The following CD1B variants were observed in gnomAD, a reference collection of about 807,000 sequenced individuals.
The protein encoded by CD1B is CD1b molecule.
CD1B carries 43 observed loss-of-function variants against 39.8 expected under a neutral mutation model. That is an observed-to-expected ratio of 1.08 (90% CI 0.85 to 1.39). The LOEUF is 1.39. Among genes scored for constraint, CD1B ranks in the 40% most tolerant of loss-of-function variants. The pLI, the probability that CD1B is intolerant of heterozygous loss-of-function variation, is 0.00. For missense variants in CD1B, 495 were observed against 403.8 expected (o/e 1.23, Z -1.94); for synonymous variants, 192 against 152.5 (o/e 1.26, Z -1.91).
At chr1:158,292,470 G>A in the CD1B span, 9 of 1,482,754 alleles carry the variant, frequency 6.1e-6, no homozygotes, top group Non-Finnish European at 8.2e-6. Flanking sequence ...GAAGCAGGGG[G>A]GTTGCTGGGT....
chr1:158,317,222 G>A, the CD1B span, among the ~76,000 whole-genome samples: 4 of 151,758 alleles, frequency 2.6e-5, no homozygotes, highest in African/African-American at 9.7e-5. Context: ...GATTGGAATA[G>A]TTTCAGAAGG....
At chr1:158,308,574 C>A in the CD1B span, among the ~76,000 whole-genome samples, 1 of 152,178 alleles carries the variant, frequency 6.6e-6, no homozygotes, top group East Asian at 1.9e-4. Flanking sequence ...TACCTGACTT[C>A]AAACTATACT....
chr1:158,312,119 T>A, the CD1B span, among the ~76,000 whole-genome samples: 1 of 152,176 alleles, frequency 6.6e-6, no homozygotes, highest in Non-Finnish European at 1.5e-5. Flanking sequence ...ATTATTTCAA[T>A]CTGTGAACAT....
Position 158,328,994 on chromosome 1 carries a change from A to C in CD1B, c.907T>G (p.Ser303Ala). Residue 303 changes from serine (S) to alanine (A), a missense_variant, in exon 5 of 6, where the codon TCA becomes GCA. Ser to Ala is a moderately conservative substitution (Grantham distance 99). Transcript: ENST00000368168. The stretch of plus-strand genomic sequence containing the variant: ...GGCACTATTATTGCCAAAACAATTG[A>C]GCCAATGGAGGTGGGGTTTCCTGGC... The part of the protein sequence containing the change: ...LYWRNPTSIG[S>A]IVLAIIVPSL... The C allele has an allele frequency of 6.2e-7, 1 of 1,613,910 alleles. No homozygotes were observed. The highest frequency in any genetic ancestry group is 8.5e-7 in the Non-Finnish European group (1 of 1,179,892).
Position 158,329,592 on chromosome 1 carries a change from G to T in CD1B, c.664C>A (p.Leu222Ile). ...TAGAATCCTGAGACATGGCACACAA[G>T]CTGCAGACGGCCAGGTCCAGGACTG... ...GPSPGPGRLQ[L>I]VCHVSGFYPK... Residue 222 changes from leucine to isoleucine, a missense_variant, in exon 4 of 6, where the codon CTT becomes ATT. By Grantham distance (5) the Leu-to-Ile change is conservative. Coordinates refer to ENST00000368168, the MANE Select transcript of CD1B (RefSeq NM_001764.3). 1 of 1,614,072 alleles carries T rather than the reference G, an allele frequency of 6.2e-7. No homozygotes were observed. The highest frequency in any genetic ancestry group is 2.2e-5 in the East Asian group (1 of 44,830).
chr1:158,314,829 C>G, the CD1B span, among the ~76,000 whole-genome samples: 2 of 140,236 alleles, frequency 1.4e-5, no homozygotes, highest in African/African-American at 5.3e-5. Context: ...ACAACAGTCC[C>G]CAGAGTGTGA....
the CD1B span, among the ~76,000 whole-genome samples, chr1:158,301,875 A>T: frequency 6.6e-6 from 1 of 152,190 alleles, no homozygotes; most frequent in African/African-American, 2.4e-5. Flanking sequence ...CATCATGAGC[A>T]GTGTTTTCCA....
At chr1:158,305,684 A>T in the CD1B span, among the ~76,000 whole-genome samples, 1 of 152,226 alleles carries the variant, frequency 6.6e-6, no homozygotes. Flanking sequence ...CCAGAGAGAA[A>T]GGTGGGGTTA....
the CD1B span, among the ~76,000 whole-genome samples, chr1:158,299,560 G>C: frequency 6.6e-6 from 1 of 152,184 alleles, no homozygotes; most frequent in Non-Finnish European, 1.5e-5. Flanking sequence ...CAGAAGGAAT[G>C]GTACCAGCTC....
chr1:158,329,685 A>G lies in CD1B; in HGVS notation c.608-37T>C, dbSNP rs751477352. On this transcript the variant is annotated intron_variant, in intron 3 of 5. Transcript: ENST00000368168. ...AGGAGAAAAAAAAGTGTCATGTTAT[A>G]ACTCGAGTTCAGAGGTTATGAACTC... 1.9e-6 allele frequency: 3 copies of G among 1,604,452 alleles called. No homozygotes were observed. In the South Asian group the frequency reaches 3.3e-5, roughly 18 times the overall value.
At chr1:158,287,283 G>GCACACACACA in the CD1B span, among the ~76,000 whole-genome samples, 94 of 149,164 alleles carry the variant, frequency 6.3e-4, no homozygotes, top group African/African-American at 2.3e-3. Flanking sequence ...CATGGTGGGT[G>GCACACACACA]CACACACACA....
the CD1B span, among the ~76,000 whole-genome samples, chr1:158,298,167 A>G: frequency 7.9e-5 from 12 of 152,222 alleles, no homozygotes; most frequent in Admixed American, 2.0e-4. Flanking sequence ...ATTTAATGAT[A>G]GAGGGTTGAA....
the CD1B span, among the ~76,000 whole-genome samples, chr1:158,316,693 T>G: frequency 6.6e-6 from 1 of 150,952 alleles, no homozygotes; most frequent in African/African-American, 2.5e-5. Flanking sequence ...TCCAACACTA[T>G]GTTGAATAGG....
chr1:158,292,393 G>C, the CD1B span: 2 of 1,596,328 alleles, frequency 1.3e-6, no homozygotes, highest in Admixed American at 1.7e-5. Flanking sequence ...CTTCCTCTAA[G>C]ATTTTTCTAT....
chr1:158,312,012 C>G, the CD1B span, among the ~76,000 whole-genome samples: 4 of 152,200 alleles, frequency 2.6e-5, no homozygotes, highest in South Asian at 8.3e-4. Context: ...TTAGAATCAT[C>G]TTTTCTATTT....
chr1:158,329,224 T>A, intron 4 of CD1B, 146 bp downstream of exon 4: 1 of 1,119,734 alleles, frequency 8.9e-7, no homozygotes, highest in Non-Finnish European at 1.3e-6. Context: ...TATCTATTTT[T>A]ACTCCTGTTG....
downstream of CD1B, among the ~76,000 whole-genome samples, chr1:158,327,749 A>C (rs1243232522): frequency 6.6e-6 from 1 of 152,212 alleles, no homozygotes. Flanking sequence ...AGTCTTCCTG[A>C]GGAAGAAACA....
At chr1:158,317,190 G>T in the CD1B span, among the ~76,000 whole-genome samples, 21 of 151,812 alleles carry the variant, frequency 1.4e-4, no homozygotes, top group Non-Finnish European at 2.4e-4. Flanking sequence ...ATGAGTTAGG[G>T]AGGATTCCCT....
chr1:158,293,680 C>A, the CD1B span: 1 of 1,241,158 alleles, frequency 8.1e-7, no homozygotes. Flanking sequence ...CCTTCAAAGC[C>A]CATTTCTGAT....
Sources: gnomAD v4.1 joint callset for allele counts (sites outside exome capture counted in the v4.1 genomes callset) on GRCh38, gnomAD v4.1.1 for gene constraint, MANE v1.5 for transcripts, NCBI Gene and HGNC (gene_info 2026-07-23, HGNC 2026-07-21) for gene names.